CATSPERE: variants seen among roughly 807,000 people sequenced by gnomAD.
The protein encoded by CATSPERE is catsper channel auxiliary subunit epsilon.
Under a neutral mutation model 114.1 loss-of-function variants are expected in CATSPERE, and 93 were observed. That is an observed-to-expected ratio of 0.81 (90% CI 0.69 to 0.97). The LOEUF (loss-of-function observed/expected upper bound fraction) is 0.97, where lower values mean the gene tolerates loss of function less well. Among genes scored for constraint, CATSPERE ranks in the 50% least tolerant of loss-of-function variants. CATSPERE has a pLI of 0.00. For synonymous variants in CATSPERE, 341 were observed against 384.1 expected, an observed-to-expected ratio of 0.89 and a Z score of 1.31; for missense variants, 1,058 against 1,131.6, an observed-to-expected ratio of 0.93 and a Z score of 0.93.
intron 6 of CATSPERE, among the ~76,000 whole-genome samples, chr1:244,494,202 T>C (rs554685479): frequency 2.0e-5 from 3 of 151,718 alleles, no homozygotes; most frequent in Non-Finnish European, 2.9e-5. Context: ...GGAACCAACC[T>C]AAATGTCCAA....
At chr1:244,524,256 A>C (rs1678132411) in intron 8 of CATSPERE, among the ~76,000 whole-genome samples, 1 of 149,588 alleles carries the variant, frequency 6.7e-6, no homozygotes, top group African/African-American at 2.6e-5. Context: ...CCTATTTAAT[A>C]AATGGTGCTG....
intron 8 of CATSPERE, among the ~76,000 whole-genome samples, chr1:244,525,201 A>T (rs1367133091): frequency 2.0e-5 from 3 of 150,822 alleles, no homozygotes; most frequent in Non-Finnish European, 2.9e-5. Context: ...GACATGGATG[A>T]AATTGGAAAT....
intron 17 of CATSPERE, among the ~76,000 whole-genome samples, chr1:244,597,464 G>C (rs148951000): frequency 7.6e-4 from 114 of 150,832 alleles, no homozygotes; most frequent in Middle Eastern, 3.6e-3. Flanking sequence ...TTCCAGAATA[G>C]CTCATTCTCC....
At chr1:244,557,725 T>A (rs1258442320) in intron 9 of CATSPERE, among the ~76,000 whole-genome samples, 1 of 150,998 alleles carries the variant, frequency 6.6e-6, no homozygotes, top group Admixed American at 6.6e-5. Context: ...TCATTAATCT[T>A]GGAATGTCAA....
chr1:244,533,264 T>C (rs1403510908), intron 8 of CATSPERE, among the ~76,000 whole-genome samples: 1 of 152,162 alleles, frequency 6.6e-6, no homozygotes, highest in Non-Finnish European at 1.5e-5. Context: ...GTTAAGCATA[T>C]TTCTTTTAGG....
rs576235200 is a variant in CATSPERE, at chr1:244,508,515, A to C, written c.429+9436A>C. On this transcript the variant is annotated intron_variant, in intron 7 of 21. Transcript: ENST00000366534. ...ATGGGGTTTCACCGTGTTAGCCAGG[A>C]TGGTCTCAATACCCTGACCTTGTGA... 1.2e-3 allele frequency among the ~76,000 whole-genome samples: 183 copies of C among 151,612 alleles called. 1 individual carries two copies. Among genetic ancestry groups the C allele is most frequent in the Middle Eastern group, 0.01 (3 of 292 alleles).
At chr1:244,479,108 C>G (rs1229978654) in intron 4 of CATSPERE, among the ~76,000 whole-genome samples, 2 of 148,468 alleles carry the variant, frequency 1.3e-5, no homozygotes, top group Non-Finnish European at 3.0e-5. Flanking sequence ...TTTTTTTCCC[C>G]TTGAGATGGA....
intron 8 of CATSPERE, among the ~76,000 whole-genome samples, chr1:244,531,382 G>A (rs1238136736): frequency 1.3e-5 from 2 of 152,086 alleles, no homozygotes; most frequent in Non-Finnish European, 2.9e-5. Context: ...TAACAGTAGT[G>A]AAAGTGGATA....
At chr1:244,550,621 G>C (rs1022408164) in intron 8 of CATSPERE, among the ~76,000 whole-genome samples, 4 of 152,182 alleles carry the variant, frequency 2.6e-5, no homozygotes, top group Admixed American at 6.5e-5. Flanking sequence ...AATTGTAATT[G>C]GAACCAATGT....
chr1:244,601,580 A>G (rs1005869028), intron 17 of CATSPERE, among the ~76,000 whole-genome samples: 3 of 152,214 alleles, frequency 2.0e-5, no homozygotes, highest in African/African-American at 7.2e-5. Context: ...TAGGATAAAT[A>G]TAACTGGGGG....
At chr1:244,556,134 G>A (rs1164912830) in intron 9 of CATSPERE, among the ~76,000 whole-genome samples, 1 of 152,118 alleles carries the variant, frequency 6.6e-6, no homozygotes, top group Non-Finnish European at 1.5e-5. Context: ...GGAGTTCAAG[G>A]CTGCAGTGAG....
chr1:244,525,754 AAAG>A (rs761699480), intron 8 of CATSPERE, among the ~76,000 whole-genome samples: 1 of 152,228 alleles, frequency 6.6e-6, no homozygotes, highest in African/African-American at 2.4e-5. Context: ...AATTGCAAAA[AAAG>A]AAGAAGAAAG....
chr1:244,453,263 A>T (rs1665789171), upstream of CATSPERE, among the ~76,000 whole-genome samples: 1 of 152,240 alleles, frequency 6.6e-6, no homozygotes. Flanking sequence ...ATTTCTTTCT[A>T]GTCAAATGCC....
intron 8 of CATSPERE, among the ~76,000 whole-genome samples, chr1:244,523,181 T>C (rs1677895841): frequency 6.7e-6 from 1 of 149,710 alleles, no homozygotes; most frequent in Admixed American, 6.6e-5. Flanking sequence ...GCTGATTCAA[T>C]ATACGCAAAT....
intron 8 of CATSPERE, among the ~76,000 whole-genome samples, chr1:244,545,284 A>G (rs530471810): frequency 3.7e-4 from 57 of 152,304 alleles, no homozygotes; most frequent in African/African-American, 1.3e-3. Flanking sequence ...TCCTATAACC[A>G]AGAAAGAGGC....
intron 19 of CATSPERE, among the ~76,000 whole-genome samples, chr1:244,612,914 AG>A (rs1470857813): frequency 6.6e-6 from 1 of 152,138 alleles, no homozygotes; most frequent in African/African-American, 2.4e-5. Flanking sequence ...ATGGCGGGAG[AG>A]GGGGAAGTTT....
At chr1:244,552,279 A>G in intron 8 of CATSPERE, 43 bp from the exon 9 acceptor site, 1 of 1,554,418 alleles carries the variant, frequency 6.4e-7, no homozygotes, top group East Asian at 2.2e-5. Context: ...GATGGATCAG[A>G]TGAGAGAGAG....
intron 8 of CATSPERE, among the ~76,000 whole-genome samples, chr1:244,519,576 C>T (rs1218804664): frequency 1.3e-5 from 2 of 152,100 alleles, no homozygotes; most frequent in Non-Finnish European, 2.9e-5. Context: ...GGTGTGTCTG[C>T]GTGGTCTCAG....
chr1:244,558,786 TC>T (rs1202036554), intron 9 of CATSPERE, among the ~76,000 whole-genome samples: 2 of 152,136 alleles, frequency 1.3e-5, no homozygotes, highest in Non-Finnish European at 2.9e-5. Flanking sequence ...CTTCTCCTTC[TC>T]CCTCTCCTTC....
Sources: allele counts gnomAD v4.1 joint callset (sites outside exome capture counted in the v4.1 genomes callset), GRCh38; gene constraint gnomAD v4.1.1; transcripts MANE v1.5; gene names NCBI Gene and HGNC (gene_info 2026-07-23, HGNC 2026-07-21).